RASEF: variants seen among roughly 807,000 people sequenced by gnomAD.
RASEF encodes RAS and EF-hand domain containing.
A neutral mutation model predicts 90.1 loss-of-function variants in RASEF; 68 were observed. That is an observed-to-expected ratio of 0.75 (90% CI 0.62 to 0.92). The LOEUF (loss-of-function observed/expected upper bound fraction) is 0.92. RASEF is among the 40% of genes least tolerant of loss of function. The probability of loss-of-function intolerance (pLI) is 0.00; values close to 1 mark genes in which losing one functional copy is unlikely to be tolerated. For synonymous variants in RASEF, 331 were observed against 345.2 expected (o/e 0.96, Z 0.46); for missense variants, 949 against 937.2 (o/e 1.01, Z -0.16).
intron 8 of RASEF, 45 bp downstream of exon 8, chr9:83,005,371 C>T (rs1829110326): frequency 2.2e-6 from 3 of 1,357,230 alleles, no homozygotes; most frequent in African/African-American, 1.4e-5. Flanking sequence ...CAAAATACTC[C>T]ACCACTAGAA....
intron 9 of RASEF, among the ~76,000 whole-genome samples, chr9:83,003,578 C>A (rs1443559421): frequency 6.6e-6 from 1 of 152,122 alleles, no homozygotes; most frequent in Non-Finnish European, 1.5e-5. Flanking sequence ...ATAAATCAAG[C>A]CATTAAATTT....
intron 7 of RASEF, 58 bp downstream of exon 7, chr9:83,007,379 T>C: frequency 7.3e-7 from 1 of 1,362,028 alleles, no homozygotes; most frequent in Non-Finnish European, 1.1e-6. Context: ...TTATGTCTTT[T>C]ATTAACTAAA....
At chr9:83,066,969 G>A (rs1018814254), upstream of RASEF, among the ~76,000 whole-genome samples, 5 of 152,264 alleles carry the variant, frequency 3.3e-5, no homozygotes, top group African/African-American at 9.6e-5. Context: ...AGGGTGGTGA[G>A]TCATGAGAAG....
At chr9:83,169,812 GTTGT>G in the RASEF span, among the ~76,000 whole-genome samples, 1 of 151,886 alleles carries the variant, frequency 6.6e-6, no homozygotes, top group African/African-American at 2.4e-5. Context: ...TTGCTATTGA[GTTGT>G]TTGAGTTTCT....
the RASEF span, among the ~76,000 whole-genome samples, chr9:83,125,154 A>G: frequency 6.6e-6 from 1 of 152,126 alleles, no homozygotes; most frequent in Non-Finnish European, 1.5e-5. Context: ...TGGTGGAGAG[A>G]GCCAGTTTCC....
At chr9:83,123,670 C>G in the RASEF span, among the ~76,000 whole-genome samples, 1 of 152,236 alleles carries the variant, frequency 6.6e-6, no homozygotes, top group Non-Finnish European at 1.5e-5. Context: ...CCTCACCCCA[C>G]CCTCTGCTAT....
At chr9:83,134,357 C>T in the RASEF span, among the ~76,000 whole-genome samples, 6,181 of 147,822 alleles carry the variant, frequency 0.042, 418 homozygotes, top group African/African-American at 0.15. Context: ...ACACTGATTG[C>T]GAACAGATTC....
chr9:83,021,474 T>TA (rs951202133), intron 3 of RASEF, among the ~76,000 whole-genome samples: 2 of 152,184 alleles, frequency 1.3e-5, no homozygotes, highest in Non-Finnish European at 2.9e-5. Context: ...AAATATTTTA[T>TA]AAAAAAATTA....
chr9:83,212,495 C>T, the RASEF span, among the ~76,000 whole-genome samples: 1 of 152,206 alleles, frequency 6.6e-6, no homozygotes, highest in Non-Finnish European at 1.5e-5. Flanking sequence ...TTTGCAATTA[C>T]TTAAGAGCAT....
chr9:83,020,995 G>A (rs1006718890), intron 3 of RASEF, among the ~76,000 whole-genome samples: 6 of 152,120 alleles, frequency 3.9e-5, no homozygotes, highest in African/African-American at 7.2e-5. Context: ...TGAAAATGAC[G>A]TCCAGCTTCT....
the RASEF span, among the ~76,000 whole-genome samples, chr9:83,193,165 G>T: frequency 2.0e-5 from 3 of 152,150 alleles, no homozygotes; most frequent in Non-Finnish European, 4.4e-5. Flanking sequence ...GCTCCCACAC[G>T]CCTTCCTGGC....
the RASEF span, among the ~76,000 whole-genome samples, chr9:83,092,045 T>G: frequency 3.4e-5 from 5 of 148,228 alleles, no homozygotes; most frequent in African/African-American, 1.3e-4. Context: ...ATTTATCTTG[T>G]TTTTTGCATA....
chr9:83,109,770 T>C, the RASEF span, among the ~76,000 whole-genome samples: 1 of 152,160 alleles, frequency 6.6e-6, no homozygotes, highest in South Asian at 2.1e-4. Flanking sequence ...TGTGCAAGCT[T>C]TAGCCCATTT....
chr9:83,015,752 GATAC>G, intron 4 of RASEF, 49 bp downstream of exon 4: 1 of 1,285,566 alleles, frequency 7.8e-7, no homozygotes, highest in Non-Finnish European at 1.1e-6. Context: ...TAATGGCTTA[GATAC>G]CCTGAGATGC....
chr9:83,055,147 G>A (rs866919676), intron 1 of RASEF: 1,951 of 167,566 alleles, frequency 0.012, 59 homozygotes, highest in African/African-American at 0.047. Context: ...CCCCAGCCTC[G>A]TTGCCGCCTT....
At chr9:83,147,859 G>A in the RASEF span, among the ~76,000 whole-genome samples, 15 of 152,016 alleles carry the variant, frequency 9.9e-5, no homozygotes, top group African/African-American at 3.6e-4. Context: ...ATCTTCCCCT[G>A]GAGTTTGGTC....
chr9:83,055,717 A>G (rs1830090505), intron 1 of RASEF: 1 of 714,804 alleles, frequency 1.4e-6, no homozygotes, highest in East Asian at 2.7e-5. Context: ...TCTGTAATGC[A>G]GGTGATTTGG....
At chr9:82,997,478 G>A (rs1345812085) in intron 13 of RASEF, among the ~76,000 whole-genome samples, 1 of 152,300 alleles carries the variant, frequency 6.6e-6, no homozygotes, top group East Asian at 1.9e-4. Context: ...AGAGGAGGCT[G>A]GAAGGAGATA....
the RASEF span, among the ~76,000 whole-genome samples, chr9:83,089,941 G>GATACATAC: frequency 7.3e-6 from 1 of 137,130 alleles, no homozygotes; most frequent in Non-Finnish European, 1.6e-5. Flanking sequence ...TAGATAGATA[G>GATACATAC]ATAGATATAG....
Sources: gnomAD v4.1 joint callset for allele counts (sites outside exome capture counted in the v4.1 genomes callset) on GRCh38, gnomAD v4.1.1 for gene constraint, MANE v1.5 for transcripts, NCBI Gene and HGNC (gene_info 2026-07-23, HGNC 2026-07-21) for gene names.